The following DPY19L4 variants were observed in gnomAD, a reference collection of about 807,000 sequenced individuals.
DPY19L4 encodes dpy-19 like 4.
DPY19L4 carries 97 observed loss-of-function variants against 102.8 expected under a neutral mutation model. The observed-to-expected ratio is 0.94, with a 90% confidence interval of 0.80 to 1.12. The LOEUF is 1.12. Among genes scored for constraint, DPY19L4 ranks in the 50% most tolerant of loss-of-function variants. The pLI is 0.00. For synonymous variants in DPY19L4, 252 were observed against 283.1 expected (o/e 0.89, Z 1.10); for missense variants, 815 against 850.4 (o/e 0.96, Z 0.52).
At chr8:94,763,959 C>A (rs1186408093) in intron 8 of DPY19L4, among the ~76,000 whole-genome samples, 1 of 152,130 alleles carries the variant, frequency 6.6e-6, no homozygotes, top group African/African-American at 2.4e-5. Context: ...TAGATGTGAG[C>A]CACCGAGTCT....
Position 94,789,980 on chromosome 8 carries a change from CTT to C in DPY19L4, c.*73_*74del. ...CAGTTTTCTTCTACCTACTCGGTGT[CTT>C]TTGCAGATCAGAGTATGGACATTTG... On this transcript the variant is annotated 3_prime_UTR_variant, in exon 19 of 19. Coordinates refer to ENST00000414645, the MANE Select transcript of DPY19L4 (RefSeq NM_181787.3). 6.8e-7 allele frequency: 1 copy of C among 1,460,538 alleles called. No homozygotes were observed. The highest frequency in any genetic ancestry group is 9.3e-7 in the Non-Finnish European group (1 of 1,070,304). The allele number at this position is 1,460,538 out of a possible 1,614,324, so 90.5% of individuals were successfully genotyped here. A position where few individuals can be genotyped will look rare whatever the true frequency, so the allele number is the denominator to read the frequency against.
At chr8:94,762,005 A>T (rs1345025998) in intron 8 of DPY19L4, among the ~76,000 whole-genome samples, 171 bp downstream of exon 8, 2 of 152,218 alleles carry the variant, frequency 1.3e-5, no homozygotes, top group Non-Finnish European at 2.9e-5. Context: ...ACCAAGTATA[A>T]AGTCATTAAC....
chr8:94,772,063 CTA>C (rs748824903), intron 13 of DPY19L4, among the ~76,000 whole-genome samples: 1 of 152,052 alleles, frequency 6.6e-6, no homozygotes, highest in Non-Finnish European at 1.5e-5. Flanking sequence ...ATATCTTGCA[CTA>C]TTTATTTTTA....
chr8:94,773,538 C>T lies in DPY19L4; in HGVS notation c.1454+2967C>T, dbSNP rs1003688978. On this transcript the variant is annotated intron_variant, in intron 13 of 18. Transcript: ENST00000414645. ...CCTCTGCCTCCCAGTTCAAGCGATT[C>T]TCCTGCCTCAGCCTCCCAAGTAGCT... Among the ~76,000 whole-genome samples the T allele has an allele frequency of 2.0e-5, 3 of 151,188 alleles. No homozygotes were observed. The Admixed American group carries it at 2.0e-4, about 10-fold the overall frequency.
intron 13 of DPY19L4, among the ~76,000 whole-genome samples, chr8:94,772,132 T>G (rs1229562894): frequency 1.3e-5 from 2 of 152,184 alleles, no homozygotes; most frequent in African/African-American, 2.4e-5. Context: ...CATGCCATCT[T>G]GTTAATAAAC....
At chr8:94,762,206 A>G (rs1381582972) in intron 8 of DPY19L4, among the ~76,000 whole-genome samples, 1 of 152,194 alleles carries the variant, frequency 6.6e-6, no homozygotes, top group Non-Finnish European at 1.5e-5. Context: ...CCCTTCAGAA[A>G]TGAGACCCAG....
intron 2 of DPY19L4, among the ~76,000 whole-genome samples, chr8:94,732,811 C>CTTTTTTTTT (rs10624368): frequency 7.8e-6 from 1 of 128,102 alleles, no homozygotes; most frequent in Non-Finnish European, 1.6e-5. Flanking sequence ...CTTTTTCTTT[C>CTTTTTTTTT]TTTTTTTTTT....
At chr8:94,769,888 C>CTTTTT (rs368515503) in intron 12 of DPY19L4, among the ~76,000 whole-genome samples, 2 of 131,224 alleles carry the variant, frequency 1.5e-5, no homozygotes, top group African/African-American at 2.8e-5. Flanking sequence ...TTATTCTTTT[C>CTTTTT]TTTTTTTTTT....
intron 6 of DPY19L4, among the ~76,000 whole-genome samples, chr8:94,754,935 C>T (rs1402030493): frequency 6.6e-6 from 1 of 152,120 alleles, no homozygotes; most frequent in Non-Finnish European, 1.5e-5. Flanking sequence ...ACTACAGGCA[C>T]GCGCCACCAC....
rs183450188 is a variant in DPY19L4, at chr8:94,787,965, C to T, written c.1920C>T (p.Tyr640=). Residue 640 remains tyrosine, a synonymous_variant, in exon 18 of 19, where the codon TAC becomes TAT. Transcript: ENST00000414645. ...TACTGACATCTTACAAAGCTAATTA[C>T]CTAATTGTAGAGGATGCTATCTGCA... ...YKILTSYKAN[Y]LIVEDAICNE... 5.3e-5 allele frequency: 80 copies of T among 1,518,588 alleles called. No individual in the cohort carries two copies. Among genetic ancestry groups the T allele is most frequent in the Admixed American group, 3.4e-4 (17 of 49,524 alleles). The allele number at this position is 1,518,588 out of a possible 1,614,324, so 94.1% of individuals were successfully genotyped here.
chr8:94,788,132 T>A, intron 18 of DPY19L4, 80 bp downstream of exon 18: 1 of 747,440 alleles, frequency 1.3e-6, no homozygotes, highest in Non-Finnish European at 1.8e-6. Context: ...ACTTATAATC[T>A]TTAAACTTTA....
At chr8:94,764,715 ATATTTTTTTT>A (rs1170594738) in intron 8 of DPY19L4, among the ~76,000 whole-genome samples, 191 of 51,232 alleles carry the variant, frequency 3.7e-3, no homozygotes, top group African/African-American at 0.018. Context: ...ATATATATAT[ATATTTTTTTT>A]TTTTTTTTTT....
Position 94,751,128 on chromosome 8 carries a change from T to C in DPY19L4, c.612-4908T>C, listed in dbSNP as rs112502564. On this transcript the variant is annotated intron_variant, in intron 6 of 18. Transcript: ENST00000414645. ...CTCCCTCTTTTCTTTCTTTTCTTTT[T>C]TTTTTTTTGAGACAGAGTCTCACTC... Among the ~76,000 whole-genome samples, 591 of 149,106 alleles carry C rather than the reference T, an allele frequency of 4.0e-3. 2 individuals are homozygous for C. The highest frequency in any genetic ancestry group is 0.013 in the African/African-American group (542 of 40,624).
Position 94,719,998 on chromosome 8 carries a change from G to T in DPY19L4, c.-1G>T. ...AGGGCGCCCTAGCCTTCGCAGAAACGATGGCGGAGGAAGAAGGTGATTGCC... is the reference window on the plus strand; with the variant it reads ...AGGGCGCCCTAGCCTTCGCAGAAACTATGGCGGAGGAAGAAGGTGATTGCC... On this transcript the variant is annotated 5_prime_UTR_variant, in exon 1 of 19. Transcript: ENST00000414645. The T allele has an allele frequency of 6.5e-7, 1 of 1,531,048 alleles. No homozygotes were observed. Among genetic ancestry groups the T allele is most frequent in the Non-Finnish European group, 8.8e-7 (1 of 1,140,432 alleles). 94.8% of individuals were successfully genotyped at this position (1,531,048 alleles called of 1,614,324 possible). A position where few individuals can be genotyped will look rare whatever the true frequency, so the allele number is the denominator to read the frequency against.
intron 3 of DPY19L4, among the ~76,000 whole-genome samples, chr8:94,736,560 ATAT>A (rs1196928494): frequency 1.3e-5 from 2 of 152,230 alleles, no homozygotes; most frequent in Non-Finnish European, 2.9e-5. Context: ...TAATTGATAC[ATAT>A]TATGCATAAA....
chr8:94,769,682 G>A (rs1294549020), intron 12 of DPY19L4, among the ~76,000 whole-genome samples: 10 of 149,902 alleles, frequency 6.7e-5, no homozygotes, highest in African/African-American at 1.2e-4. Context: ...TGAGACCCCC[G>A]TCTCTTAAAG....
chr8:94,729,597 CAAAAAAAAAAAAAA>C lies in DPY19L4; in HGVS notation c.127+3167_127+3180del, dbSNP rs770975687. ...CTGGGCAACAGAGGAGATTCCATCT[CAAAAAAAAAAAAAA>C]AAAAAAAAAATTTAAGCCTAGGCAA... On this transcript the variant is annotated intron_variant, in intron 2 of 18. Transcript: ENST00000414645. Among the ~76,000 whole-genome samples, 3 of 31,046 alleles carry C rather than the reference CAAAAAAAAAAAAAA, an allele frequency of 9.7e-5. No individual in the cohort carries two copies. In the South Asian group the frequency reaches 5.3e-3, roughly 55 times the overall value. The allele number at this position is 31,046 out of a possible 152,430, so 20.4% of individuals were successfully genotyped here. A position where few individuals can be genotyped will look rare whatever the true frequency, so the allele number is the denominator to read the frequency against.
chr8:94,742,480 G>A (rs962347346), intron 6 of DPY19L4, among the ~76,000 whole-genome samples: 3 of 151,062 alleles, frequency 2.0e-5, no homozygotes, highest in Admixed American at 6.6e-5. Flanking sequence ...GTAACCTCTG[G>A]CTCATGGATG....
intron 8 of DPY19L4, among the ~76,000 whole-genome samples, chr8:94,763,342 T>C (rs886928029): frequency 4.7e-5 from 7 of 149,952 alleles, no homozygotes; most frequent in African/African-American, 1.7e-4. Flanking sequence ...TTATTTTTAT[T>C]TATTTTTACT....
Sources: allele counts gnomAD v4.1 joint callset (sites outside exome capture counted in the v4.1 genomes callset), GRCh38; gene constraint gnomAD v4.1.1; transcripts MANE v1.5; gene names NCBI Gene and HGNC (gene_info 2026-07-23, HGNC 2026-07-21).